The following PALMD variants were observed in gnomAD, a reference collection of about 807,000 sequenced individuals.
PALMD encodes the protein paralemmin-like protein.
Under a neutral mutation model 56.2 loss-of-function variants are expected in PALMD, and 42 were observed. The ratio of observed to expected loss-of-function variants is 0.75; its 90% CI spans 0.58 to 0.97. PALMD has a LOEUF of 0.97. Ranked by LOEUF, PALMD falls within the 50% of genes least tolerant of loss-of-function variation. The pLI is 0.00. For synonymous variants in PALMD, 242 were observed against 222.9 expected, an observed-to-expected ratio of 1.09 and a Z score of -0.76; for missense variants, 660 against 643.8, an observed-to-expected ratio of 1.03 and a Z score of -0.27.
intron 3 of PALMD, among the ~76,000 whole-genome samples, chr1:99,675,129 T>C (rs1653172997): frequency 6.6e-6 from 1 of 152,210 alleles, no homozygotes; most frequent in African/African-American, 2.4e-5. Context: ...CTTCAAACAA[T>C]AGAGTCCTGT....
intron 1 of PALMD, among the ~76,000 whole-genome samples, chr1:99,659,970 C>T (rs1051971511): frequency 6.6e-6 from 1 of 152,166 alleles, no homozygotes; most frequent in Non-Finnish European, 1.5e-5. Flanking sequence ...TGATTACTAA[C>T]CCCAAGATGA....
chr1:99,653,153 C>T (rs1250816966), intron 1 of PALMD, among the ~76,000 whole-genome samples: 2 of 151,818 alleles, frequency 1.3e-5, no homozygotes, highest in African/African-American at 4.8e-5. Flanking sequence ...AGCTGGAGCA[C>T]CAAAACAAAA....
rs144420060 is a variant in PALMD at position 99,689,038 on chromosome 1, C to T, written c.778C>T (p.Pro260Ser). ...TAAATCCCCAACAGAGTATCATGAG[C>T]CTGTATATGCCAATCCCTTTTACAG... ...NSKSPTEYHE[P>S]VYANPFYRPT... is the part of the protein sequence containing the mutation. Residue 260 changes from proline to serine, a missense_variant, in exon 7 of 8, where the codon CCT becomes TCT. Physicochemically the swap from Pro to Ser is moderately conservative, Grantham distance 74. Coordinates refer to ENST00000263174, the MANE Select transcript of PALMD (RefSeq NM_017734.5). 9 of 1,613,586 alleles carry T rather than the reference C, an allele frequency of 5.6e-6. No individual in the cohort carries two copies. Among genetic ancestry groups the T allele is most frequent in the Admixed American group, 1.7e-5 (1 of 59,936 alleles).
intron 3 of PALMD, among the ~76,000 whole-genome samples, chr1:99,682,389 T>C (rs566547265): frequency 6.6e-5 from 10 of 152,278 alleles, no homozygotes; most frequent in African/African-American, 1.9e-4. Flanking sequence ...TTGTTTATGT[T>C]TAGTTTTCAC....
Position 99,646,184 on chromosome 1 carries a change from A to G in PALMD, c.-134A>G. Reference sequence around the variant, plus strand: ...CTCCTGACAAGTCGGGAATTTCTCTATTTCTCCACTGGTGCAAAGAGCGGA... The same window carrying G: ...CTCCTGACAAGTCGGGAATTTCTCTGTTTCTCCACTGGTGCAAAGAGCGGA... On this transcript the variant is annotated 5_prime_UTR_variant, in exon 1 of 8. Coordinates refer to ENST00000263174, the MANE Select transcript of PALMD (RefSeq NM_017734.5). 2.8e-6 allele frequency: 2 copies of G among 718,456 alleles called. No individual in the cohort carries two copies. Among genetic ancestry groups the G allele is most frequent in the Non-Finnish European group, 4.9e-6 (2 of 405,340 alleles). 44.5% of individuals were successfully genotyped at this position (718,456 alleles called of 1,614,324 possible). A position where few individuals can be genotyped will look rare whatever the true frequency, so the allele number is the denominator to read the frequency against.
chr1:99,662,154 TCTCACTTCG>T (rs1652861372), intron 1 of PALMD, among the ~76,000 whole-genome samples, 156 bp from the exon 2 acceptor site: 1 of 152,200 alleles, frequency 6.6e-6, no homozygotes, highest in South Asian at 2.1e-4. Flanking sequence ...GCTTCAAATG[TCTCACTTCG>T]CTCTCCTTTG....
At chr1:99,668,893 A>G (rs1162632543) in intron 3 of PALMD, 1 of 152,210 alleles carries the variant, frequency 6.6e-6, no homozygotes. Flanking sequence ...CTAACCTACA[A>G]AGGGAAAATA....
chr1:99,659,938 T>C (rs1411511223), intron 1 of PALMD, among the ~76,000 whole-genome samples: 1 of 152,302 alleles, frequency 6.6e-6, no homozygotes, highest in African/African-American at 2.4e-5. Flanking sequence ...ATGGCATGCC[T>C]CTACTCACAG....
At chr1:99,662,265 A>C in intron 1 of PALMD, 54 bp from the exon 2 acceptor site, 1 of 945,132 alleles carries the variant, frequency 1.1e-6, no homozygotes, top group Non-Finnish European at 1.7e-6. Flanking sequence ...ACCCCAAGGA[A>C]ACATAATTAA....
At chr1:99,651,931 T>C (rs1045943496) in intron 1 of PALMD, among the ~76,000 whole-genome samples, 1 of 152,212 alleles carries the variant, frequency 6.6e-6, no homozygotes, top group Admixed American at 6.5e-5. Context: ...TGATGTAACA[T>C]AGCAAAGTGG....
chr1:99,674,560 T>A (rs1468613436), intron 3 of PALMD, among the ~76,000 whole-genome samples: 3 of 152,036 alleles, frequency 2.0e-5, no homozygotes, highest in Non-Finnish European at 4.4e-5. Flanking sequence ...ACTTGCCATA[T>A]GTAAGTCTTT....
At chr1:99,691,319 C>T (rs1233538944) in intron 7 of PALMD, among the ~76,000 whole-genome samples, 1 of 152,124 alleles carries the variant, frequency 6.6e-6, no homozygotes, top group Non-Finnish European at 1.5e-5. Context: ...CCTGAACACC[C>T]TTATTTCTTC....
rs1653606468 is a variant in PALMD at position 99,689,513 on chromosome 1, TG to T, written c.1257del (p.Tyr420IlefsTer14). 1 of 1,613,704 alleles carries T rather than the reference TG, an allele frequency of 6.2e-7. No homozygotes were observed. Among genetic ancestry groups the T allele is most frequent in the African/African-American group, 1.3e-5 (1 of 74,878 alleles). On this transcript the variant is annotated frameshift_variant, in exon 7 of 8. Transcript: ENST00000263174. LOFTEE classifies it high-confidence loss of function. The stretch of plus-strand genomic sequence containing the variant: ...ACAGAACCGGTGACAATGATTTTCA[TG>T]GGGTATCAGCAGGCAGAAGACAGTG... ...NDTEPVTMIF[M>X]GYQQAEDSEE...
chr1:99,689,753 C>G lies in PALMD; in HGVS notation c.1493C>G (p.Ser498Cys). 1 of 1,613,780 alleles carries G rather than the reference C, an allele frequency of 6.2e-7. No homozygotes were observed. Among genetic ancestry groups the G allele is most frequent in the East Asian group, 2.2e-5 (1 of 44,842 alleles). ...ASPHENTNHK[S>C]PHKNSISLKE... is the part of the protein sequence containing the mutation. ...CCTCATGAAAACACAAATCATAAAT[C>G]CCCCCACAAAAATTCCATATCTCTG... The change falls in exon 7 of 8, where the codon TCC (serine) becomes TGC (cysteine). Residue 498 changes from serine to cysteine, a missense_variant. Ser to Cys is a moderately radical substitution (Grantham distance 112). Transcript: ENST00000263174.
intron 3 of PALMD, among the ~76,000 whole-genome samples, chr1:99,674,647 T>TA (rs1282000033): frequency 2.0e-5 from 3 of 152,170 alleles, no homozygotes; most frequent in Non-Finnish European, 1.5e-5. Context: ...TTAAATCCCT[T>TA]AACTTTTCAA....
intron 7 of PALMD, among the ~76,000 whole-genome samples, chr1:99,690,289 A>G (rs1479737569): frequency 2.0e-5 from 3 of 152,190 alleles, no homozygotes; most frequent in Non-Finnish European, 4.4e-5. Context: ...TAATTCTGCA[A>G]GAAAGTACAA....
chr1:99,689,161 T>C lies in PALMD; in HGVS notation c.901T>C (p.Ser301Pro), dbSNP rs1653596857. 1 of 1,613,434 alleles carries C rather than the reference T, an allele frequency of 6.2e-7. No homozygotes were observed. The change falls in exon 7 of 8, where the codon TCC becomes CCC. Residue 301 changes from serine (S) to proline (P), a missense_variant. Transcript: ENST00000263174. The part of the protein sequence containing the change: ...TNGLGIGVNE[S>P]IHNMGNGLSE... The stretch of plus-strand genomic sequence containing the variant: ...TGGACTGGGTATTGGTGTAAATGAA[T>C]CCATACACAATATGGGCAATGGTCT...
At chr1:99,659,249 C>A (rs1389253479) in intron 1 of PALMD, among the ~76,000 whole-genome samples, 1 of 152,098 alleles carries the variant, frequency 6.6e-6, no homozygotes, top group Non-Finnish European at 1.5e-5. Context: ...GTCACAATAA[C>A]TATAGTTGTA....
intron 1 of PALMD, among the ~76,000 whole-genome samples, chr1:99,654,496 C>T (rs763533362): frequency 6.6e-6 from 1 of 152,088 alleles, no homozygotes; most frequent in Non-Finnish European, 1.5e-5. Context: ...ATGAGAGACA[C>T]ACACTATTCC....
Sources: gnomAD v4.1 joint callset for allele counts (sites outside exome capture counted in the v4.1 genomes callset) on GRCh38, gnomAD v4.1.1 for gene constraint, MANE v1.5 for transcripts, NCBI Gene and HGNC (gene_info 2026-07-23, HGNC 2026-07-21) for gene names.